The following CEP41 variants were observed in gnomAD, a reference collection of about 807,000 sequenced individuals.
The protein encoded by CEP41 is centrosomal protein of 41 kDa.
A neutral mutation model predicts 44.3 loss-of-function variants in CEP41; 32 were observed. The ratio of observed to expected loss-of-function variants is 0.72; its 90% CI spans 0.54 to 0.97. CEP41 has a LOEUF of 0.97. Among genes scored for constraint, CEP41 ranks in the 50% least tolerant of loss-of-function variants. CEP41 has a pLI of 0.00. For missense variants in CEP41, 432 were observed against 455.2 expected, an observed-to-expected ratio of 0.95 and a Z score of 0.46; for synonymous variants, 151 against 168.5, an observed-to-expected ratio of 0.90 and a Z score of 0.80.
At chr7:130,427,407 C>A (rs1215891492) in intron 2 of CEP41, among the ~76,000 whole-genome samples, 2 of 152,140 alleles carry the variant, frequency 1.3e-5, no homozygotes, top group African/African-American at 4.8e-5. Flanking sequence ...TGCACTGCAG[C>A]ACTAATTAAA....
chr7:130,400,319 A>G (rs2117553414), intron 9 of CEP41, 65 bp from the exon 10 acceptor site: 1 of 1,103,980 alleles, frequency 9.1e-7, no homozygotes, highest in South Asian at 1.3e-5. Flanking sequence ...AAACCTGGAA[A>G]GAAGCCTGCA....
intron 3 of CEP41, among the ~76,000 whole-genome samples, chr7:130,412,524 TTAAC>T (rs1199354969): frequency 2.0e-5 from 3 of 152,200 alleles, no homozygotes; most frequent in Non-Finnish European, 4.4e-5. Flanking sequence ...CCATTTTCCT[TTAAC>T]TAAGCTGTCT....
At chr7:130,433,390 G>T (rs1554425540) in intron 1 of CEP41, among the ~76,000 whole-genome samples, 1 of 151,984 alleles carries the variant, frequency 6.6e-6, no homozygotes, top group Admixed American at 6.6e-5. Context: ...AGATAAGAGA[G>T]GTTGAAAATG....
At position 130,416,974 on chromosome 7, in the gene CEP41, G is replaced by A. The variant is rs782606521; in HGVS notation, c.98-8C>T. On this transcript the variant is annotated splice_polypyrimidine_tract_variant and splice_region_variant and intron_variant, in intron 2 of 10. Transcript: ENST00000223208. The stretch of plus-strand genomic sequence containing the variant: ...ATTTAGTCATACTGTTACCTAAAAA[G>A]AAAATAAGGGGTTTTAGATATACTT... 6.4e-7 allele frequency: 1 copy of A among 1,554,238 alleles called. No homozygotes were observed. The highest frequency in any genetic ancestry group is 2.2e-5 in the East Asian group (1 of 44,616).
Position 130,399,045 on chromosome 7 carries a change from G to A in CEP41, c.974-6C>T, listed in dbSNP as rs1184735751. On this transcript the variant is annotated splice_region_variant and splice_polypyrimidine_tract_variant and intron_variant, in intron 10 of 10. Coordinates refer to ENST00000223208, the MANE Select transcript of CEP41 (RefSeq NM_018718.3). Reference sequence around the variant, plus strand: ...GTTAGCTTGGTTCAGTCGGCCTGAAGGGAGCAAGAAAGAAGGAACAGAGCT... The same window carrying A: ...GTTAGCTTGGTTCAGTCGGCCTGAAAGGAGCAAGAAAGAAGGAACAGAGCT... 2 of 1,613,656 alleles carry A rather than the reference G, an allele frequency of 1.2e-6. No homozygotes were observed.
Position 130,412,259 on chromosome 7 carries a change from C to G in CEP41, c.146-19G>C, listed in dbSNP as rs1554419947. ...CTATAATCTGAAAAATATGGTAAGA[C>G]AAGTATTTATCTATTTTGCTTTTTT... On this transcript the variant is annotated intron_variant, in intron 3 of 10. Transcript: ENST00000223208. 1.6e-6 allele frequency: 2 copies of G among 1,264,528 alleles called. No individual in the cohort carries two copies. The highest frequency in any genetic ancestry group is 2.3e-6 in the Non-Finnish European group (2 of 861,854). The allele number at this position is 1,264,528 out of a possible 1,614,324, so 78.3% of individuals were successfully genotyped here.
At chr7:130,409,835 G>A (rs534337071) in intron 5 of CEP41, among the ~76,000 whole-genome samples, 4 of 152,072 alleles carry the variant, frequency 2.6e-5, no homozygotes, top group African/African-American at 9.6e-5. Flanking sequence ...CCTACCCAGC[G>A]CCTACTCGTC....
chr7:130,402,343 C>CAAAAAAAAAAAAAAAAAAAAAAAAA (rs150874127), intron 7 of CEP41, among the ~76,000 whole-genome samples: 1 of 76,668 alleles, frequency 1.3e-5, no homozygotes, highest in Non-Finnish European at 2.5e-5. Context: ...AAGGTATTAA[C>CAAAAAAAAAAAAAAAAAAAAAAAAA]AAAAAAAAAA....
At chr7:130,402,127 T>C (rs1796863184) in intron 7 of CEP41, among the ~76,000 whole-genome samples, 179 bp from the exon 8 acceptor site, 2 of 152,110 alleles carry the variant, frequency 1.3e-5, no homozygotes, top group African/African-American at 4.8e-5. Flanking sequence ...GTGGACCGCT[T>C]GAGTCCAGGA....
In CEP41 at chr7:130,414,041, C is replaced by A. The variant is rs187362254; in HGVS notation, c.146-1801G>T. Among the ~76,000 whole-genome samples, 391 of 152,320 alleles carry A rather than the reference C, an allele frequency of 2.6e-3. 1 individual carries two copies. The highest frequency in any genetic ancestry group is 3.6e-3 in the Non-Finnish European group (245 of 68,034). ...AGATTATTTACCTGGTGTAACTAAT[C>A]ACTTTCATGAATTTTCCAAAAACCA... On this transcript the variant is annotated intron_variant, in intron 3 of 10. Coordinates refer to ENST00000223208, the MANE Select transcript of CEP41 (RefSeq NM_018718.3).
chr7:130,402,937 G>T, intron 6 of CEP41, 138 bp from the exon 7 acceptor site: 1 of 894,398 alleles, frequency 1.1e-6, no homozygotes. Flanking sequence ...AAATGGACGT[G>T]GTGTCTCAGT....
chr7:130,394,962 T>C lies in CEP41; in HGVS notation c.*3929A>G. The C allele has an allele frequency of 2.2e-6, 1 of 454,116 alleles. No individual in the cohort carries two copies. The highest frequency in any genetic ancestry group is 4.4e-6 in the Non-Finnish European group (1 of 226,788). 28.1% of individuals were successfully genotyped at this position (454,116 alleles called of 1,614,324 possible). A position where few individuals can be genotyped will look rare whatever the true frequency, so the allele number is the denominator to read the frequency against. On this transcript the variant is annotated 3_prime_UTR_variant, in exon 11 of 11. Transcript: ENST00000223208. Reference sequence around the variant, plus strand: ...TCAGGATGTTACACAGGTGAGAATTTGCTTCTGTACAGAACAAAGAGGATC... The same window carrying C: ...TCAGGATGTTACACAGGTGAGAATTCGCTTCTGTACAGAACAAAGAGGATC...
At chr7:130,441,062 T>G, upstream of CEP41, 19 of 1,332,084 alleles carry the variant, frequency 1.4e-5, no homozygotes, top group Non-Finnish European at 1.9e-5. Flanking sequence ...CGCCTCCCTA[T>G]ACCCTCTTCT....
Position 130,397,532 on chromosome 7 carries a change from T to TG in CEP41, c.*1358_*1359insC. 2.6e-6 allele frequency: 1 copy of TG among 391,556 alleles called. No homozygotes were observed. Among genetic ancestry groups the TG allele is most frequent in the Non-Finnish European group, 5.0e-6 (1 of 201,644 alleles). 24.3% of individuals were successfully genotyped at this position (391,556 alleles called of 1,614,324 possible). A position where few individuals can be genotyped will look rare whatever the true frequency, so the allele number is the denominator to read the frequency against. ...TTTTTTTTTTTTTTTTTTTTTTTTTTTGGTGGCGAGAAAATAGTACTGTTA... is the reference window on the plus strand; with the variant it reads ...TTTTTTTTTTTTTTTTTTTTTTTTTTGTGGTGGCGAGAAAATAGTACTGTTA... On this transcript the variant is annotated 3_prime_UTR_variant, in exon 11 of 11. Transcript: ENST00000223208.
At chr7:130,410,114 C>T (rs1196187045) in intron 5 of CEP41, among the ~76,000 whole-genome samples, 3 of 151,354 alleles carry the variant, frequency 2.0e-5, no homozygotes, top group Non-Finnish European at 4.4e-5. Context: ...CAACCTCCGC[C>T]TCCTGGGTTC....
intron 5 of CEP41, 78 bp from the exon 6 acceptor site, chr7:130,404,786 T>A: frequency 8.8e-7 from 1 of 1,137,950 alleles, no homozygotes; most frequent in Non-Finnish European, 1.3e-6. Context: ...TGACATTAAG[T>A]CAAGAAAAGG....
Position 130,404,555 on chromosome 7 carries a change from T to C in CEP41, c.422+9A>G. The C allele has an allele frequency of 1.2e-6, 2 of 1,612,944 alleles. No homozygotes were observed. Among genetic ancestry groups the C allele is most frequent in the Non-Finnish European group, 1.7e-6 (2 of 1,178,912 alleles). On this transcript the variant is annotated intron_variant, in intron 6 of 10. Coordinates refer to ENST00000223208, the MANE Select transcript of CEP41 (RefSeq NM_018718.3). ...AAATGCAGTGAAAATATGAATCAGCTTCGAGTACCTCTGAAGAGTTGAGCG... is the reference window on the plus strand; with the variant it reads ...AAATGCAGTGAAAATATGAATCAGCCTCGAGTACCTCTGAAGAGTTGAGCG...
chr7:130,415,547 A>G (rs1274286434), intron 3 of CEP41, among the ~76,000 whole-genome samples: 1 of 152,228 alleles, frequency 6.6e-6, no homozygotes, highest in African/African-American at 2.4e-5. Flanking sequence ...TTGTTCTGGG[A>G]GATCACCTCC....
Position 130,400,828 on chromosome 7 carries a change from G to C in CEP41, c.643-7C>G, listed in dbSNP as rs1554416745. On this transcript the variant is annotated splice_polypyrimidine_tract_variant and splice_region_variant and intron_variant, in intron 8 of 10. Transcript: ENST00000223208. ...TCTTGCCATGGGCATTTTTCTAAGA[G>C]TCAGATGAGTTAAGGTTCCAAGGCA... 2.5e-6 allele frequency: 4 copies of C among 1,575,430 alleles called. No individual in the cohort carries two copies. In the African/African-American group the frequency reaches 5.4e-5, roughly 21 times the overall value.
Sources: allele counts gnomAD v4.1 joint callset (sites outside exome capture counted in the v4.1 genomes callset), GRCh38; gene constraint gnomAD v4.1.1; transcripts MANE v1.5; gene names NCBI Gene and HGNC (gene_info 2026-07-23, HGNC 2026-07-21).